TENM4: variants seen among roughly 807,000 people sequenced by gnomAD.
TENM4 encodes teneurin transmembrane protein 4.
Under a neutral mutation model 243.3 loss-of-function variants are expected in TENM4, and 82 were observed. The observed-to-expected ratio is 0.34, with a 90% CI of 0.28 to 0.40. TENM4 has a LOEUF of 0.40. TENM4 is among the 10% of genes least tolerant of loss of function. The pLI is 1.00. For missense variants in TENM4, 3,138 were observed against 3,673.3 expected, an observed-to-expected ratio of 0.85 and a Z score of 3.77; for synonymous variants, 1,412 against 1,456.3, an observed-to-expected ratio of 0.97 and a Z score of 0.69.
intron 20 of TENM4, among the ~76,000 whole-genome samples, chr11:78,733,348 C>A (rs1194840079): frequency 7.9e-5 from 12 of 152,138 alleles, no homozygotes; most frequent in Admixed American, 7.9e-4. Context: ...AGAAACCTGC[C>A]CTCCTAGTCC....
intron 4 of TENM4, among the ~76,000 whole-genome samples, chr11:79,098,984 A>G (rs116340758): frequency 0.012 from 1,781 of 152,326 alleles, 40 homozygotes; most frequent in African/African-American, 0.04. Flanking sequence ...GAATAAGATG[A>G]CACATGTAAA....
intron 23 of TENM4, among the ~76,000 whole-genome samples, chr11:78,725,234 C>T (rs187389312): frequency 1.4e-4 from 21 of 152,312 alleles, no homozygotes; most frequent in African/African-American, 4.3e-4. Flanking sequence ...TTAAAGGCTG[C>T]GTTAGCTATT....
intron 12 of TENM4, among the ~76,000 whole-genome samples, chr11:78,844,711 T>TGAGGAC (rs1368308321): frequency 6.6e-6 from 1 of 151,086 alleles, no homozygotes; most frequent in African/African-American, 2.4e-5. Context: ...AAAGCCCACA[T>TGAGGAC]GAGGACGAGG....
chr11:78,920,773 G>A (rs1565126455), intron 6 of TENM4, among the ~76,000 whole-genome samples: 1 of 152,148 alleles, frequency 6.6e-6, no homozygotes, highest in East Asian at 1.9e-4. Flanking sequence ...TCTCTTAACT[G>A]CCCATGCAAA....
chr11:78,804,609 C>G (rs1030911811), intron 15 of TENM4, among the ~76,000 whole-genome samples: 9 of 152,186 alleles, frequency 5.9e-5, no homozygotes, highest in African/African-American at 2.2e-4. Flanking sequence ...ACATAATTAT[C>G]CTTTGTACCT....
At chr11:79,360,009 A>G (rs1208192816) in intron 1 of TENM4, among the ~76,000 whole-genome samples, 1 of 152,196 alleles carries the variant, frequency 6.6e-6, no homozygotes, top group Non-Finnish European at 1.5e-5. Flanking sequence ...ATCCTTACTT[A>G]GATAAAAGTT....
chr11:78,770,629 G>A (rs192335273), intron 18 of TENM4, among the ~76,000 whole-genome samples: 41 of 152,340 alleles, frequency 2.7e-4, no homozygotes, highest in African/African-American at 4.8e-4. Context: ...CAGCTTCTGT[G>A]ATAAAGAATT....
At chr11:78,759,050 T>A (rs903530202) in intron 18 of TENM4, among the ~76,000 whole-genome samples, 7 of 152,312 alleles carry the variant, frequency 4.6e-5, no homozygotes, top group African/African-American at 1.4e-4. Flanking sequence ...CCCTTCCTCA[T>A]CCTGAACTTA....
chr11:79,435,968 A>C (rs1437810629), intron 1 of TENM4, among the ~76,000 whole-genome samples: 1 of 152,224 alleles, frequency 6.6e-6, no homozygotes, highest in Non-Finnish European at 1.5e-5. Flanking sequence ...TTTCCTAAGA[A>C]AAGAAAAGAA....
chr11:79,088,850 T>G (rs1289673259), intron 4 of TENM4, among the ~76,000 whole-genome samples: 1 of 152,194 alleles, frequency 6.6e-6, no homozygotes, highest in Non-Finnish European at 1.5e-5. Flanking sequence ...AAGGGTTTGG[T>G]TCTTGTCCTA....
At chr11:79,388,098 G>A (rs1188368746) in intron 1 of TENM4, among the ~76,000 whole-genome samples, 2 of 152,184 alleles carry the variant, frequency 1.3e-5, no homozygotes, top group Non-Finnish European at 2.9e-5. Context: ...AAATGTTCTG[G>A]GAGTTTCTAT....
chr11:78,770,923 T>C, intron 18 of TENM4, 69 bp downstream of exon 18: 1 of 1,535,694 alleles, frequency 6.5e-7, no homozygotes, highest in Non-Finnish European at 8.8e-7. Flanking sequence ...AGCTCAGTAA[T>C]ATCCATTCTC....
chr11:79,409,365 G>C (rs1017498260), intron 1 of TENM4, among the ~76,000 whole-genome samples: 2 of 152,084 alleles, frequency 1.3e-5, no homozygotes, highest in African/African-American at 4.8e-5. Flanking sequence ...GAAATCATCT[G>C]ATGAGGCATA....
At chr11:79,324,148 G>C (rs1199841009) in intron 1 of TENM4, among the ~76,000 whole-genome samples, 1 of 151,874 alleles carries the variant, frequency 6.6e-6, no homozygotes, top group Non-Finnish European at 1.5e-5. Context: ...ATACTATATA[G>C]TTTTTATACT....
intron 28 of TENM4, among the ~76,000 whole-genome samples, chr11:78,690,585 CT>C (rs1418552046): frequency 6.6e-6 from 1 of 152,140 alleles, no homozygotes; most frequent in African/African-American, 2.4e-5. Flanking sequence ...AAATTCCAGG[CT>C]GTGCATAGGA....
At chr11:79,354,897 G>A (rs1470927434) in intron 1 of TENM4, among the ~76,000 whole-genome samples, 1 of 152,200 alleles carries the variant, frequency 6.6e-6, no homozygotes, top group Non-Finnish European at 1.5e-5. Context: ...TGTGCAGTGT[G>A]TTGGTAGGTT....
chr11:78,726,404 TC>T (rs760061078), intron 22 of TENM4, among the ~76,000 whole-genome samples, 182 bp from the exon 23 acceptor site: 2 of 152,254 alleles, frequency 1.3e-5, no homozygotes, highest in Non-Finnish European at 2.9e-5. Context: ...AATCATTTTT[TC>T]TTTTTTTTGG....
At chr11:79,105,374 G>T (rs1861341036) in intron 4 of TENM4, among the ~76,000 whole-genome samples, 1 of 152,208 alleles carries the variant, frequency 6.6e-6, no homozygotes, top group Admixed American at 6.5e-5. Context: ...AACAAAGGAT[G>T]TGTGGAAACA....
rs560730066 is a variant in TENM4 at position 79,224,506 on chromosome 11, T to C, written c.-264-8597A>G. ...GCCATGTGGGTGTTATGGGTTGAAT[T>C]GTATCCTCAAAAAAGAAAATATGCT... On this transcript the variant is annotated intron_variant, in intron 2 of 33. Coordinates refer to ENST00000278550, the MANE Select transcript of TENM4 (RefSeq NM_001098816.3). 2.6e-5 allele frequency among the ~76,000 whole-genome samples: 4 copies of C among 152,230 alleles called. No individual in the cohort carries two copies. The East Asian group carries it at 5.8e-4, about 22-fold the overall frequency.
Sources: allele counts gnomAD v4.1 joint callset (sites outside exome capture counted in the v4.1 genomes callset), GRCh38; gene constraint gnomAD v4.1.1; transcripts MANE v1.5; gene names NCBI Gene and HGNC (gene_info 2026-07-23, HGNC 2026-07-21).